ELP3: variants seen among roughly 807,000 people sequenced by gnomAD.
ELP3 encodes elongator complex protein 3.
ELP3 carries 56 observed loss-of-function variants against 74.9 expected under a neutral mutation model. The observed-to-expected ratio is 0.75, with a 90% confidence interval of 0.60 to 0.93. The LOEUF (loss-of-function observed/expected upper bound fraction) is 0.93, where lower values mean the gene tolerates loss of function less well. ELP3 is among the 40% of genes least tolerant of loss of function. ELP3 has a pLI of 0.00. For synonymous variants in ELP3, 222 were observed against 239.8 expected (o/e 0.93, Z 0.68); for missense variants, 573 against 686.5 (o/e 0.83, Z 1.85).
chr8:28,190,834 C>T lies in ELP3; in HGVS notation c.*1109C>T, dbSNP rs1815434597. ...TTGGCCTCCCTAAATGCCGGGATTA[C>T]AGGCATGAGCCACCGCTCCCAGCCT... On this transcript the variant is annotated 3_prime_UTR_variant, in exon 15 of 15. Transcript: ENST00000256398. The T allele has an allele frequency of 6.6e-6, 1 of 152,242 alleles. No homozygotes were observed. Among genetic ancestry groups the T allele is most frequent in the African/African-American group, 2.4e-5 (1 of 41,446 alleles). 9.4% of individuals were successfully genotyped at this position (152,242 alleles called of 1,614,324 possible). A position where few individuals can be genotyped will look rare whatever the true frequency, so the allele number is the denominator to read the frequency against.
intron 5 of ELP3, among the ~76,000 whole-genome samples, chr8:28,108,267 T>A (rs545695269): frequency 6.6e-6 from 1 of 152,234 alleles, no homozygotes; most frequent in Admixed American, 6.5e-5. Context: ...AGATAGACAC[T>A]ATCATGATCC....
chr8:28,112,950 T>C, intron 6 of ELP3, 69 bp from the exon 7 acceptor site: 1 of 1,417,392 alleles, frequency 7.1e-7, no homozygotes, highest in Non-Finnish European at 9.6e-7. Context: ...AAATAAGAGA[T>C]TTGCAATGCC....
In ELP3 at chr8:28,155,863, C is replaced by CT. The variant is rs1247318100; in HGVS notation, c.1101-73dup. The CT allele has an allele frequency of 6.0e-5, 72 of 1,207,558 alleles. No homozygotes were observed. The Middle Eastern group carries it at 1.2e-3, about 21-fold the overall frequency. The allele number at this position is 1,207,558 out of a possible 1,614,324, so 74.8% of individuals were successfully genotyped here. On this transcript the variant is annotated intron_variant, in intron 10 of 14. Transcript: ENST00000256398. ...GCTTTTTTATTTTTGTTCTTTTTAA[C>CT]TTTTTTAATATCCTTGCCTTACTGC...
intron 7 of ELP3, among the ~76,000 whole-genome samples, chr8:28,118,687 A>G (rs1009062357): frequency 2.6e-5 from 4 of 152,190 alleles, no homozygotes; most frequent in Non-Finnish European, 5.9e-5. Context: ...AATAACTCCA[A>G]CAACCTTTTA....
In ELP3 at chr8:28,190,716, C is replaced by T. The variant is rs933268559; in HGVS notation, c.*991C>T. The stretch of plus-strand genomic sequence containing the variant: ...AGTAGCTGGGATTACAGGCACCCGC[C>T]GCTGCTAATTTTTGTATTTTTAGTA... On this transcript the variant is annotated 3_prime_UTR_variant, in exon 15 of 15. Coordinates refer to ENST00000256398, the MANE Select transcript of ELP3 (RefSeq NM_018091.6). 6.6e-6 allele frequency: 1 copy of T among 152,166 alleles called. No individual in the cohort carries two copies. Among genetic ancestry groups the T allele is most frequent in the African/African-American group, 2.4e-5 (1 of 41,412 alleles). The allele number at this position is 152,166 out of a possible 1,614,324, so 9.4% of individuals were successfully genotyped here.
At chr8:28,144,046 T>C (rs1174907373) in intron 10 of ELP3, among the ~76,000 whole-genome samples, 1 of 152,254 alleles carries the variant, frequency 6.6e-6, no homozygotes, top group African/African-American at 2.4e-5. Flanking sequence ...CCCTTGTAAC[T>C]GATTATTATT....
intron 10 of ELP3, among the ~76,000 whole-genome samples, chr8:28,138,401 A>G (rs1813081304): frequency 6.6e-6 from 1 of 152,240 alleles, no homozygotes; most frequent in South Asian, 2.1e-4. Context: ...AGAGAAAGTA[A>G]GATCTCATTT....
At chr8:28,148,818 A>G (rs1813531436) in intron 10 of ELP3, among the ~76,000 whole-genome samples, 1 of 152,202 alleles carries the variant, frequency 6.6e-6, no homozygotes, top group Admixed American at 6.5e-5. Context: ...GGATTTTTGC[A>G]TCTATGTTCA....
At chr8:28,111,859 T>A (rs987237399) in intron 6 of ELP3, among the ~76,000 whole-genome samples, 2 of 152,236 alleles carry the variant, frequency 1.3e-5, no homozygotes, top group Admixed American at 1.3e-4. Context: ...TGATTAAGTC[T>A]GCTTTAAGGT....
chr8:28,128,272 G>A lies in ELP3; in HGVS notation c.618-1230G>A, dbSNP rs189300836. ...GTGGATCATTTGAGGTCAGGAGTTCGAGACCAGCCTGGCCAACAAAGTGAA... is the reference window on the plus strand; with the variant it reads ...GTGGATCATTTGAGGTCAGGAGTTCAAGACCAGCCTGGCCAACAAAGTGAA... On this transcript the variant is annotated intron_variant, in intron 7 of 14. Transcript: ENST00000256398. Among the ~76,000 whole-genome samples, 70 of 152,130 alleles carry A rather than the reference G, an allele frequency of 4.6e-4. No homozygotes were observed. The East Asian group carries it at 0.011, about 24-fold the overall frequency.
chr8:28,134,424 T>G (rs577554138), intron 9 of ELP3, among the ~76,000 whole-genome samples: 13 of 152,150 alleles, frequency 8.5e-5, no homozygotes, highest in Non-Finnish European at 1.9e-4. Context: ...GGAATATGAG[T>G]GGATCATATT....
chr8:28,155,667 A>G (rs1037804089), intron 10 of ELP3, among the ~76,000 whole-genome samples: 2 of 152,156 alleles, frequency 1.3e-5, no homozygotes, highest in African/African-American at 2.4e-5. Flanking sequence ...GCATTCAGTC[A>G]TTTGCTTAGC....
chr8:28,168,296 T>C (rs1814386730), intron 14 of ELP3, among the ~76,000 whole-genome samples: 1 of 152,240 alleles, frequency 6.6e-6, no homozygotes, highest in African/African-American at 2.4e-5. Context: ...CTAGTGATAC[T>C]GATTTGGAGT....
intron 11 of ELP3, among the ~76,000 whole-genome samples, chr8:28,158,088 A>ATTTTTGGAT (rs1563278689): frequency 6.9e-5 from 10 of 145,118 alleles, no homozygotes; most frequent in Non-Finnish European, 1.0e-4. Flanking sequence ...TCAACATGTA[A>ATTTTTGGAT]TTTTTGGATA....
At chr8:28,092,270 G>C (rs113250328), upstream of ELP3, among the ~76,000 whole-genome samples, 3 of 152,066 alleles carry the variant, frequency 2.0e-5, no homozygotes, top group Non-Finnish European at 4.4e-5. Context: ...TCGCTCTGTC[G>C]TCTAGGCTGG....
rs1563247916 is a variant in ELP3, at chr8:28,103,494, A to G, written c.259-3219A>G. Reference sequence around the variant, plus strand: ...ATCTTGGTTGCTTCCAATTTTTGGCAGTTTTAAACAAAGCTCTGTGAAGGT... The same window carrying G: ...ATCTTGGTTGCTTCCAATTTTTGGCGGTTTTAAACAAAGCTCTGTGAAGGT... On this transcript the variant is annotated intron_variant, in intron 3 of 14. Transcript: ENST00000256398. 1.1e-4 allele frequency among the ~76,000 whole-genome samples: 16 copies of G among 152,292 alleles called. No homozygotes were observed. In the South Asian group the frequency reaches 3.3e-3, roughly 32 times the overall value.
rs926231261 is a variant in ELP3 at position 28,113,251 on chromosome 8, T to G, written c.617+78T>G. On this transcript the variant is annotated intron_variant, in intron 7 of 14. Coordinates refer to ENST00000256398, the MANE Select transcript of ELP3 (RefSeq NM_018091.6). Reference sequence around the variant, plus strand: ...CCTAGCAGTAGTCTACGAGAATGCCTTCTGCCCTGCATCCACATTCTTACT... The same window carrying G: ...CCTAGCAGTAGTCTACGAGAATGCCGTCTGCCCTGCATCCACATTCTTACT... 4 of 1,113,152 alleles carry G rather than the reference T, an allele frequency of 3.6e-6. No individual in the cohort carries two copies. The Admixed American group carries it at 8.5e-5, about 24-fold the overall frequency. 69.0% of individuals were successfully genotyped at this position (1,113,152 alleles called of 1,614,324 possible).
chr8:28,095,917 G>A (rs974912881), intron 1 of ELP3, among the ~76,000 whole-genome samples: 3 of 152,198 alleles, frequency 2.0e-5, no homozygotes, highest in East Asian at 1.9e-4. Context: ...GACCAGTACC[G>A]GTTCATGGCC....
intron 6 of ELP3, 49 bp downstream of exon 6, chr8:28,110,487 G>C (rs753619832): frequency 7.0e-7 from 1 of 1,419,318 alleles, no homozygotes; most frequent in South Asian, 1.2e-5. Context: ...TTTATACTTA[G>C]TAAGAAGCCA....
Sources: allele counts gnomAD v4.1 joint callset (sites outside exome capture counted in the v4.1 genomes callset), GRCh38; gene constraint gnomAD v4.1.1; transcripts MANE v1.5; gene names NCBI Gene and HGNC (gene_info 2026-07-23, HGNC 2026-07-21).